SORCS1: variants seen among roughly 807,000 people sequenced by gnomAD.
The protein encoded by SORCS1 is VPS10 domain-containing receptor SorCS1.
SORCS1 carries 60 observed loss-of-function variants against 146.1 expected under a neutral mutation model. The observed-to-expected ratio is 0.41, with a 90% CI of 0.33 to 0.51. The LOEUF is 0.51. Ranked by LOEUF, SORCS1 falls within the 20% of genes least tolerant of loss-of-function variation. The probability of loss-of-function intolerance (pLI) is 0.21; values close to 1 mark genes in which losing one functional copy is unlikely to be tolerated. For missense variants in SORCS1, 1,352 were observed against 1,487.6 expected (o/e 0.91, Z 1.50); for synonymous variants, 637 against 584.0 (o/e 1.09, Z -1.31).
intron 2 of SORCS1, among the ~76,000 whole-genome samples, chr10:106,916,567 C>T (rs1172156654): frequency 4.8e-5 from 6 of 124,158 alleles, no homozygotes; most frequent in African/African-American, 1.8e-4. Context: ...TAATTGTGTG[C>T]ATATATATAC....
chr10:107,051,676 T>C (rs1392566178), intron 1 of SORCS1, among the ~76,000 whole-genome samples: 1 of 152,172 alleles, frequency 6.6e-6, no homozygotes, highest in Non-Finnish European at 1.5e-5. Flanking sequence ...GATGCTGCTC[T>C]TAAAATAAGA....
intron 1 of SORCS1, among the ~76,000 whole-genome samples, chr10:107,048,182 A>G (rs973154061): frequency 3.9e-5 from 6 of 152,204 alleles, no homozygotes; most frequent in African/African-American, 1.4e-4. Context: ...TTATTGCCTC[A>G]ATCATTTTAA....
intron 1 of SORCS1, among the ~76,000 whole-genome samples, chr10:107,037,972 G>A (rs768799088): frequency 7.2e-5 from 11 of 152,116 alleles, no homozygotes; most frequent in Non-Finnish European, 1.0e-4. Context: ...GATTACAGGC[G>A]TGCACCACCA....
intron 1 of SORCS1, among the ~76,000 whole-genome samples, chr10:107,134,227 C>G (rs7092803): frequency 0.49 from 73,845 of 152,078 alleles, 18,025 homozygotes; most frequent in African/African-American, 0.53. Context: ...TTAATTCCAT[C>G]AAGAAGTAAC....
intron 4 of SORCS1, among the ~76,000 whole-genome samples, chr10:106,766,753 A>G (rs892617509): frequency 1.3e-5 from 2 of 152,256 alleles, no homozygotes; most frequent in African/African-American, 4.8e-5. Flanking sequence ...AATGTTGTGT[A>G]TTAGTGATAT....
At chr10:106,937,172 A>ATTTT (rs141215404) in intron 2 of SORCS1, among the ~76,000 whole-genome samples, 1 of 143,110 alleles carries the variant, frequency 7.0e-6, no homozygotes, top group Non-Finnish European at 1.5e-5. Flanking sequence ...AGAAGATCTG[A>ATTTT]TTTTTTTTTT....
Position 106,639,762 on chromosome 10 carries a change from G to A in SORCS1, c.2476-10374C>T, listed in dbSNP as rs532735642. 1.7e-4 allele frequency among the ~76,000 whole-genome samples: 26 copies of A among 152,232 alleles called. No individual in the cohort carries two copies. In the South Asian group the frequency reaches 4.4e-3, roughly 25 times the overall value. On this transcript the variant is annotated intron_variant, in intron 18 of 25. Transcript: ENST00000263054. ...GGGAGAAAACAGTTGAGGCATCTACGTCAGAACTAAGCTGGCTTAGAAACT... is the reference window on the plus strand; with the variant it reads ...GGGAGAAAACAGTTGAGGCATCTACATCAGAACTAAGCTGGCTTAGAAACT...
chr10:107,083,178 T>C (rs1963474536), intron 1 of SORCS1, among the ~76,000 whole-genome samples: 1 of 151,708 alleles, frequency 6.6e-6, no homozygotes, highest in Non-Finnish European at 1.5e-5. Context: ...TTATTATTAT[T>C]ATCAAAGGAA....
intron 2 of SORCS1, among the ~76,000 whole-genome samples, chr10:106,899,897 T>G (rs1951635894): frequency 6.6e-6 from 1 of 152,050 alleles, no homozygotes; most frequent in African/African-American, 2.4e-5. Context: ...ATTTCACTAT[T>G]CCATCCTTTT....
intron 1 of SORCS1, among the ~76,000 whole-genome samples, chr10:107,079,648 C>T (rs546008649): frequency 2.0e-5 from 3 of 151,988 alleles, no homozygotes; most frequent in South Asian, 2.1e-4. Context: ...GCCCCAATTC[C>T]GAAAAATGGG....
chr10:107,031,748 C>T (rs1589973981), intron 1 of SORCS1, among the ~76,000 whole-genome samples: 2 of 152,178 alleles, frequency 1.3e-5, no homozygotes, highest in African/African-American at 4.8e-5. Flanking sequence ...GCTGGGATTA[C>T]AGGAATAAGC....
intron 7 of SORCS1, among the ~76,000 whole-genome samples, chr10:106,707,338 G>C (rs997997170): frequency 6.6e-6 from 1 of 151,740 alleles, no homozygotes; most frequent in African/African-American, 2.4e-5. Flanking sequence ...ACAAGCCCTT[G>C]CCACCACACC....
intron 1 of SORCS1, among the ~76,000 whole-genome samples, chr10:107,118,473 T>C (rs973888731): frequency 3.3e-5 from 5 of 152,230 alleles, no homozygotes; most frequent in African/African-American, 1.2e-4. Flanking sequence ...CATATGCCCA[T>C]GACACATTTA....
At chr10:106,738,567 G>T (rs1283738881) in intron 5 of SORCS1, among the ~76,000 whole-genome samples, 1 of 152,214 alleles carries the variant, frequency 6.6e-6, no homozygotes, top group Non-Finnish European at 1.5e-5. Context: ...GGAGGCTGGA[G>T]ATCCTGCGTG....
intron 2 of SORCS1, among the ~76,000 whole-genome samples, chr10:106,912,488 AG>A (rs1952215155): frequency 6.6e-6 from 1 of 152,184 alleles, no homozygotes; most frequent in Non-Finnish European, 1.5e-5. Context: ...GCATTTCAAT[AG>A]GTATCCCAGA....
chr10:107,027,284 AATG>A (rs1958449846), intron 1 of SORCS1, among the ~76,000 whole-genome samples: 1 of 151,864 alleles, frequency 6.6e-6, no homozygotes, highest in Admixed American at 6.6e-5. Context: ...TCACCTGGAT[AATG>A]ATGTTGTTAG....
chr10:107,099,513 T>C (rs1234023722), intron 1 of SORCS1, among the ~76,000 whole-genome samples: 1 of 152,224 alleles, frequency 6.6e-6, no homozygotes, highest in East Asian at 1.9e-4. Flanking sequence ...AAATTAAAAT[T>C]AAATTAAATT....
intron 1 of SORCS1, among the ~76,000 whole-genome samples, chr10:107,154,279 A>C (rs1969094276): frequency 6.6e-6 from 1 of 152,094 alleles, no homozygotes; most frequent in Non-Finnish European, 1.5e-5. Context: ...TTGGGATTAC[A>C]GGCGTGAGCC....
intron 1 of SORCS1, among the ~76,000 whole-genome samples, chr10:106,986,510 CCGTG>C (rs1356398585): frequency 3.9e-5 from 4 of 101,468 alleles, no homozygotes; most frequent in Non-Finnish European, 7.4e-5. Flanking sequence ...ATATATACAA[CCGTG>C]TGTGTGTGTG....
Sources: gnomAD v4.1 joint callset for allele counts (sites outside exome capture counted in the v4.1 genomes callset) on GRCh38, gnomAD v4.1.1 for gene constraint, MANE v1.5 for transcripts, NCBI Gene and HGNC (gene_info 2026-07-23, HGNC 2026-07-21) for gene names.